The following RPL28 variants were observed in gnomAD, a reference collection of about 807,000 sequenced individuals.
RPL28 encodes the protein ribosomal protein L28.
A neutral mutation model predicts 12.5 loss-of-function variants in RPL28; 4 were observed. That is an observed-to-expected ratio of 0.32 (90% CI 0.16 to 0.73). The LOEUF is 0.73. Among genes scored for constraint, RPL28 ranks in the 30% least tolerant of loss-of-function variants. The pLI, the probability that RPL28 is intolerant of heterozygous loss-of-function variation, is 0.66. For missense variants in RPL28, 214 were observed against 197.7 expected, an observed-to-expected ratio of 1.08 and a Z score of -0.49; for synonymous variants, 91 against 72.5, an observed-to-expected ratio of 1.26 and a Z score of -1.30.
intron 3 of RPL28, 97 bp from the exon 4 acceptor site, chr19:55,387,833 G>T: frequency 6.7e-7 from 1 of 1,485,282 alleles, no homozygotes; most frequent in Non-Finnish European, 8.9e-7. Context: ...GGCCCACGCT[G>T]CTCAGCTTCT....
Position 55,389,641 on chromosome 19 carries a change from C to T in RPL28, c.*1309C>T. ...AGGCAGACCACTGCCCTTCCGACCT[C>T]AGTCCTGTCTGCTCCAGTCTTGCCC... On this transcript the variant is annotated 3_prime_UTR_variant, in exon 5 of 5. Coordinates refer to ENST00000344063, the MANE Select transcript of RPL28 (RefSeq NM_000991.5). The T allele has an allele frequency of 1.0e-6, 1 of 985,524 alleles. No individual in the cohort carries two copies. Among genetic ancestry groups the T allele is most frequent in the African/African-American group, 1.7e-5 (1 of 57,374 alleles). The allele number at this position is 985,524 out of a possible 1,614,324, so 61.0% of individuals were successfully genotyped here. A position where few individuals can be genotyped will look rare whatever the true frequency, so the allele number is the denominator to read the frequency against.
chr19:55,393,869 C>T (rs12972170), downstream of RPL28, among the ~76,000 whole-genome samples: 49,273 of 151,516 alleles, frequency 0.33, 9,846 homozygotes, highest in East Asian at 0.74. Flanking sequence ...AGGCTGGTCT[C>T]GAACTCCTGA....
intron 1 of RPL28, 34 bp from the exon 2 acceptor site, chr19:55,386,316 G>A (rs1337080508): frequency 5.6e-6 from 9 of 1,602,848 alleles, no homozygotes; most frequent in Admixed American, 1.7e-5. Flanking sequence ...AGTTCTCTGT[G>A]TCTGACGCTT....
chr19:55,397,342 T>C (rs1472481469), intron 4 of RPL28, among the ~76,000 whole-genome samples: 2 of 152,238 alleles, frequency 1.3e-5, no homozygotes, highest in African/African-American at 4.8e-5. Context: ...GTTTCTTAAA[T>C]ATACAAGCAT....
chr19:55,403,196 GA>G, exon 5 of RPL28: 1 of 653,970 alleles, frequency 1.5e-6, no homozygotes, highest in East Asian at 2.7e-5. Context: ...CTCTGGCTGA[GA>G]AACACTGGTT....
intron 3 of RPL28, chr19:55,387,380 C>T (rs907797406): frequency 1.0e-5 from 16 of 1,551,074 alleles, no homozygotes; most frequent in Middle Eastern, 1.7e-4. Flanking sequence ...GGCTAGTGAT[C>T]CTCCTGTCTC....
downstream of RPL28, among the ~76,000 whole-genome samples, chr19:55,393,129 C>G (rs910662553): frequency 1.4e-5 from 2 of 143,126 alleles, no homozygotes; most frequent in African/African-American, 5.0e-5. Flanking sequence ...CCAGCTCCCA[C>G]CGGCCTCCCA....
intron 4 of RPL28, chr19:55,401,006 G>T: frequency 5.2e-6 from 1 of 193,150 alleles, no homozygotes; most frequent in South Asian, 8.7e-5. Flanking sequence ...AGAGGGAGAA[G>T]TATAGGGCAG....
chr19:55,387,956 G>T lies in RPL28; in HGVS notation c.232G>T (p.Val78Leu). The T allele has an allele frequency of 1.9e-6, 3 of 1,597,814 alleles. No individual in the cohort carries two copies. The highest frequency in any genetic ancestry group is 2.6e-6 in the Non-Finnish European group (3 of 1,171,876). The change falls in exon 4 of 5, where the codon GTG becomes TTG. Residue 78 changes from valine to leucine, a missense_variant. Val to Leu is a conservative substitution (Grantham distance 32). Transcript: ENST00000344063. ...CCAGCGGAAGCCTGCCACCTCCTATGTGCGGACCACCATCAACAAGAATGC... is the reference window on the plus strand; with the variant it reads ...CCAGCGGAAGCCTGCCACCTCCTATTTGCGGACCACCATCAACAAGAATGC... ...SGQRKPATSY[V>L]RTTINKNARA...
In RPL28 at chr19:55,390,361, C is replaced by A; in HGVS notation, c.*2029C>A. 1 of 750,670 alleles carries A rather than the reference C, an allele frequency of 1.3e-6. No homozygotes were observed. The highest frequency in any genetic ancestry group is 1.6e-6 in the Non-Finnish European group (1 of 616,038). 46.5% of individuals were successfully genotyped at this position (750,670 alleles called of 1,614,324 possible). On this transcript the variant is annotated 3_prime_UTR_variant, in exon 5 of 5. Coordinates refer to ENST00000344063, the MANE Select transcript of RPL28 (RefSeq NM_000991.5). Reference sequence around the variant, plus strand: ...CTGGGATTACAGGTGGGTGTCACCACACCCAGCTCAGTATTGTATTTTTAG... The same window carrying A: ...CTGGGATTACAGGTGGGTGTCACCAAACCCAGCTCAGTATTGTATTTTTAG...
In RPL28 at chr19:55,389,583, G is replaced by C; in HGVS notation, c.*1251G>C. 1 of 985,482 alleles carries C rather than the reference G, an allele frequency of 1.0e-6. No homozygotes were observed. The highest frequency in any genetic ancestry group is 1.2e-6 in the Non-Finnish European group (1 of 829,980). 61.0% of individuals were successfully genotyped at this position (985,482 alleles called of 1,614,324 possible). ...TCAGGGCCTCGACTTGCCATTGGTT[G>C]GGGTCGTACGGGGCTGGGAGCCCTG... On this transcript the variant is annotated 3_prime_UTR_variant, in exon 5 of 5. Transcript: ENST00000344063.
In RPL28 at chr19:55,389,034, A is replaced by T; in HGVS notation, c.*702A>T. 1 of 984,440 alleles carries T rather than the reference A, an allele frequency of 1.0e-6. No homozygotes were observed. Among genetic ancestry groups the T allele is most frequent in the Non-Finnish European group, 1.2e-6 (1 of 829,244 alleles). The allele number at this position is 984,440 out of a possible 1,614,324, so 61.0% of individuals were successfully genotyped here. ...AGCTGGCTCTTGTCACTTAGGTCTC[A>T]TCTCAGTGGCCGCTCCTGGGCCACC... On this transcript the variant is annotated 3_prime_UTR_variant, in exon 5 of 5. Transcript: ENST00000344063.
At chr19:55,393,110 C>T (rs987948151), downstream of RPL28, among the ~76,000 whole-genome samples, 5 of 150,806 alleles carry the variant, frequency 3.3e-5, no homozygotes, top group Non-Finnish European at 7.4e-5. Context: ...AATCACACCT[C>T]CAGCGGCCCC....
chr19:55,400,470 T>G (rs748296319), intron 4 of RPL28: 2 of 150,732 alleles, frequency 1.3e-5, no homozygotes, highest in Non-Finnish European at 2.9e-5. Context: ...ATCTTACCCC[T>G]GTGATTTAGT....
In RPL28 at chr19:55,403,127, TG is replaced by T; in HGVS notation, c.510del (p.Leu170PhefsTer12). 1.3e-6 allele frequency: 1 copy of T among 795,190 alleles called. No homozygotes were observed. Among genetic ancestry groups the T allele is most frequent in the Non-Finnish European group, 2.1e-6 (1 of 469,926 alleles). The allele number at this position is 795,190 out of a possible 1,614,324, so 49.3% of individuals were successfully genotyped here. A position where few individuals can be genotyped will look rare whatever the true frequency, so the allele number is the denominator to read the frequency against. On this transcript the variant is annotated frameshift_variant, in exon 5 of 5. Transcript: ENST00000560055. LOFTEE classifies it high-confidence loss of function. ...CTAGATGCTAGTGGCACCCCCGAGTTGTGACAACCCTTTCTGGTCTCCTGAC... is the reference window on the plus strand; with the variant it reads ...CTAGATGCTAGTGGCACCCCCGAGTTTGACAACCCTTTCTGGTCTCCTGAC...
At chr19:55,396,364 C>T (rs1400643008), downstream of RPL28, among the ~76,000 whole-genome samples, 1 of 151,152 alleles carries the variant, frequency 6.6e-6, no homozygotes, top group Non-Finnish European at 1.5e-5. Flanking sequence ...AATCATAAAA[C>T]ACCTATGTAA....
chr19:55,391,998 C>T lies in RPL28; in HGVS notation c.*3666C>T, dbSNP rs2089994500. The T allele has an allele frequency of 8.8e-7, 1 of 1,130,342 alleles. No individual in the cohort carries two copies. Among genetic ancestry groups the T allele is most frequent in the Non-Finnish European group, 1.1e-6 (1 of 921,616 alleles). 70.0% of individuals were successfully genotyped at this position (1,130,342 alleles called of 1,614,324 possible). ...TTCTGTCCTCAGCTGCATTTCCAGC[C>T]CAGGCTGTTTGGCGCTGCCCAGGAA... On this transcript the variant is annotated 3_prime_UTR_variant, in exon 5 of 5. Coordinates refer to ENST00000344063, the MANE Select transcript of RPL28 (RefSeq NM_000991.5).
At position 55,386,813 on chromosome 19, in the gene RPL28, G is replaced by A. The variant is rs1390176520; in HGVS notation, c.205+120G>A. 1.3e-6 allele frequency: 2 copies of A among 1,599,108 alleles called. 1 individual carries two copies. The highest frequency in any genetic ancestry group is 2.7e-5 in the African/African-American group (2 of 74,542). On this transcript the variant is annotated intron_variant, in intron 3 of 4. Transcript: ENST00000344063. ...ATCGCGGCGGGCATCCCTGGCGCCAGGGTGTTGGTCTGGGTACCGGCTTCC... is the reference window on the plus strand; with the variant it reads ...ATCGCGGCGGGCATCCCTGGCGCCAAGGTGTTGGTCTGGGTACCGGCTTCC...
rs1435122075 is a variant in RPL28, at chr19:55,389,819, C to T, written c.*1487C>T. ...GTGACTTGGTACCTGCTCAGGACCC[C>T]CCGCACTGTCCCAATCCCACTCAGG... On this transcript the variant is annotated 3_prime_UTR_variant, in exon 5 of 5. Coordinates refer to ENST00000344063, the MANE Select transcript of RPL28 (RefSeq NM_000991.5). The T allele has an allele frequency of 1.0e-6, 1 of 984,898 alleles. No individual in the cohort carries two copies. The highest frequency in any genetic ancestry group is 1.2e-6 in the Non-Finnish European group (1 of 829,480). 61.0% of individuals were successfully genotyped at this position (984,898 alleles called of 1,614,324 possible).
Sources: allele counts gnomAD v4.1 joint callset (sites outside exome capture counted in the v4.1 genomes callset), GRCh38; gene constraint gnomAD v4.1.1; transcripts MANE v1.5; gene names NCBI Gene and HGNC (gene_info 2026-07-23, HGNC 2026-07-21).